SLC37A3: variants seen among roughly 807,000 people sequenced by gnomAD.
SLC37A3 encodes the protein solute carrier family 37 member 3, also known as sugar phosphate exchanger 3.
Under a neutral mutation model 67.1 loss-of-function variants are expected in SLC37A3, and 51 were observed. The observed-to-expected ratio is 0.76, with a 90% CI of 0.61 to 0.96. SLC37A3 has a LOEUF of 0.96. SLC37A3 is among the 40% of genes least tolerant of loss of function. SLC37A3 has a pLI of 0.00. For missense variants in SLC37A3, 508 were observed against 603.0 expected (o/e 0.84, Z 1.65); for synonymous variants, 214 against 231.4 (o/e 0.92, Z 0.68).
At chr7:140,387,120 A>C (rs1318152587) in intron 1 of SLC37A3, among the ~76,000 whole-genome samples, 1 of 152,130 alleles carries the variant, frequency 6.6e-6, no homozygotes, top group Admixed American at 6.6e-5. Context: ...GAAAACTTAA[A>C]ATCTACTCTT....
chr7:140,388,738 G>A (rs977723045), intron 1 of SLC37A3, among the ~76,000 whole-genome samples: 1 of 151,986 alleles, frequency 6.6e-6, no homozygotes, highest in African/African-American at 2.4e-5. Flanking sequence ...TTGAACCTGA[G>A]AGGCAGAGGT....
chr7:140,369,519 T>A, intron 4 of SLC37A3, 71 bp downstream of exon 4: 2 of 1,281,754 alleles, frequency 1.6e-6, no homozygotes, highest in Non-Finnish European at 2.2e-6. Context: ...CCCTTACAAA[T>A]TTTGTAAGGC....
intron 5 of SLC37A3, among the ~76,000 whole-genome samples, chr7:140,362,533 C>T (rs1479900988): frequency 3.6e-5 from 5 of 137,546 alleles, no homozygotes; most frequent in African/African-American, 1.4e-4. Flanking sequence ...CCAGCCGCCC[C>T]GTCCGGGAGG....
At chr7:140,393,807 A>G (rs1487343192) in intron 1 of SLC37A3, among the ~76,000 whole-genome samples, 1 of 152,190 alleles carries the variant, frequency 6.6e-6, no homozygotes, top group Non-Finnish European at 1.5e-5. Flanking sequence ...CCATAAAAGC[A>G]GTGGCTCTCT....
At chr7:140,386,530 C>T (rs188508997) in intron 1 of SLC37A3, among the ~76,000 whole-genome samples, 1 of 151,960 alleles carries the variant, frequency 6.6e-6, no homozygotes, top group Admixed American at 6.6e-5. Context: ...CATCCATGAG[C>T]TCAGGGACCC....
At position 140,382,583 on chromosome 7, in the gene SLC37A3, A is replaced by T; in HGVS notation, c.-57T>A. On this transcript the variant is annotated 5_prime_UTR_variant, in exon 2 of 15. It removes an upstream start codon present in the reference 5' UTR. Transcript: ENST00000326232. Reference sequence around the variant, plus strand: ...CTTAAGGTTTGGATGAGTGATTTACATCATTTCTTCCTTCTGGAAAGACAA... The same window carrying T: ...CTTAAGGTTTGGATGAGTGATTTACTTCATTTCTTCCTTCTGGAAAGACAA... 1.4e-6 allele frequency: 2 copies of T among 1,452,034 alleles called. No homozygotes were observed. Among genetic ancestry groups the T allele is most frequent in the Non-Finnish European group, 1.9e-6 (2 of 1,036,664 alleles). The allele number at this position is 1,452,034 out of a possible 1,614,324, so 89.9% of individuals were successfully genotyped here.
chr7:140,358,297 C>G (rs1272339134), intron 6 of SLC37A3, among the ~76,000 whole-genome samples: 1 of 151,890 alleles, frequency 6.6e-6, no homozygotes, highest in Non-Finnish European at 1.5e-5. Flanking sequence ...AAGGCAAAAC[C>G]CAAAGGAAGA....
At chr7:140,339,264 G>GTTTTTTTT (rs748009768) in intron 13 of SLC37A3, among the ~76,000 whole-genome samples, 1 of 130,764 alleles carries the variant, frequency 7.6e-6, no homozygotes, top group Non-Finnish European at 1.6e-5. Flanking sequence ...TCCCAGTTTT[G>GTTTTTTTT]TTTTTTTTTT....
intron 3 of SLC37A3, among the ~76,000 whole-genome samples, chr7:140,374,972 C>T (rs1797968284): frequency 6.6e-6 from 1 of 151,904 alleles, no homozygotes; most frequent in Admixed American, 6.6e-5. Flanking sequence ...ATGGTGAAAC[C>T]CCATCTCTAC....
At chr7:140,393,739 G>A (rs894708628) in intron 1 of SLC37A3, among the ~76,000 whole-genome samples, 2 of 152,076 alleles carry the variant, frequency 1.3e-5, no homozygotes, top group African/African-American at 4.8e-5. Flanking sequence ...TTCCTTCAGA[G>A]CATCTCTCCC....
In SLC37A3 at chr7:140,373,805, TAAA is replaced by T. The variant is rs1797916234; in HGVS notation, c.199-4126_199-4124del. Among the ~76,000 whole-genome samples the T allele has an allele frequency of 3.3e-5, 5 of 151,928 alleles. No homozygotes were observed. In the East Asian group the frequency reaches 9.7e-4, roughly 29 times the overall value. On this transcript the variant is annotated intron_variant, in intron 3 of 14. Coordinates refer to ENST00000326232, the MANE Select transcript of SLC37A3 (RefSeq NM_207113.3). ...ACAGACACACTCCACCATGCCCAGC[TAAA>T]GGATCTCTGAATAAACTCCGCAACA...
chr7:140,376,714 C>T (rs1051773988), intron 3 of SLC37A3, among the ~76,000 whole-genome samples: 3 of 152,102 alleles, frequency 2.0e-5, no homozygotes, highest in African/African-American at 4.8e-5. Context: ...TTGCATAAGG[C>T]GAGCAGAACA....
intron 3 of SLC37A3, among the ~76,000 whole-genome samples, chr7:140,376,193 G>C (rs1798024968): frequency 6.6e-6 from 1 of 152,086 alleles, no homozygotes. Context: ...TTTGACTGTT[G>C]ACTTAAATGG....
rs1402689710 is a variant in SLC37A3, at chr7:140,362,907, G to T, written c.375+1501C>A. On this transcript the variant is annotated intron_variant, in intron 5 of 14. Transcript: ENST00000326232. ...GCCCCGTCCGGGAGGGAGGCGGGGG[G>T]GGGGGTCGGCCAGCCGCCCTGTCCG... is the stretch of plus-strand genomic sequence containing the variant. Among the ~76,000 whole-genome samples, 5 of 64,384 alleles carry T rather than the reference G, an allele frequency of 7.8e-5. 1 individual carries two copies. Among genetic ancestry groups the T allele is most frequent in the African/African-American group, 2.3e-4 (4 of 17,254 alleles). The allele number at this position is 64,384 out of a possible 152,430, so 42.2% of individuals were successfully genotyped here.
chr7:140,357,541 C>G (rs896914839), intron 6 of SLC37A3, among the ~76,000 whole-genome samples: 1 of 144,582 alleles, frequency 6.9e-6, no homozygotes, highest in Non-Finnish European at 1.5e-5. Context: ...CCAGCCTGGG[C>G]AACACAGACC....
rs192835512 is a variant in SLC37A3, at chr7:140,390,876, A to G, written c.-71+7540T>C. Among the ~76,000 whole-genome samples, 322 of 151,804 alleles carry G rather than the reference A, an allele frequency of 2.1e-3. 4 individuals carry two copies. Among genetic ancestry groups the G allele is most frequent in the African/African-American group, 7.5e-3 (311 of 41,390 alleles). On this transcript the variant is annotated intron_variant, in intron 1 of 14. Coordinates refer to ENST00000326232, the MANE Select transcript of SLC37A3 (RefSeq NM_207113.3). Reference sequence around the variant, plus strand: ...CAGTAGCCTTGTTTTTCCCTCATCCATCCCCCTCCTGTCCTCATTTCCTGC... The same window carrying G: ...CAGTAGCCTTGTTTTTCCCTCATCCGTCCCCCTCCTGTCCTCATTTCCTGC...
chr7:140,370,046 G>A (rs1363456560), intron 3 of SLC37A3, among the ~76,000 whole-genome samples: 1 of 152,084 alleles, frequency 6.6e-6, no homozygotes, highest in African/African-American at 2.4e-5. Context: ...GGAGGCGGAG[G>A]TTGTGGTGAG....
Position 140,349,322 on chromosome 7 carries a change from C to T in SLC37A3, c.883-555G>A, listed in dbSNP as rs370234967. Among the ~76,000 whole-genome samples, 322 of 152,294 alleles carry T rather than the reference C, an allele frequency of 2.1e-3. 14 individuals carry two copies. The South Asian group carries it at 0.049, about 23-fold the overall frequency. On this transcript the variant is annotated intron_variant, in intron 9 of 14. Transcript: ENST00000326232. ...AGCAGCAGCATGATAATTCCTTTCACACTAGTTTTCAAAAGCTCCACATTC... is the reference window on the plus strand; with the variant it reads ...AGCAGCAGCATGATAATTCCTTTCATACTAGTTTTCAAAAGCTCCACATTC...
chr7:140,380,813 C>T (rs1399424036), intron 2 of SLC37A3, among the ~76,000 whole-genome samples: 1 of 151,964 alleles, frequency 6.6e-6, no homozygotes, highest in Non-Finnish European at 1.5e-5. Context: ...AACTCCTGGG[C>T]TCAAGCGATC....
Sources: gnomAD v4.1 joint callset for allele counts (sites outside exome capture counted in the v4.1 genomes callset) on GRCh38, gnomAD v4.1.1 for gene constraint, MANE v1.5 for transcripts, NCBI Gene and HGNC (gene_info 2026-07-23, HGNC 2026-07-21) for gene names.